Variants in SLC9B1 observed in about 807,000 individuals in gnomAD.
SLC9B1 encodes solute carrier family 9 member B1.
A neutral mutation model predicts 51.7 loss-of-function variants in SLC9B1; 32 were observed. That is an observed-to-expected ratio of 0.62 (90% CI 0.47 to 0.83). SLC9B1 has a LOEUF of 0.83. SLC9B1 is among the 40% of genes least tolerant of loss of function. SLC9B1 has a pLI of 0.00. For missense variants in SLC9B1, 406 were observed against 613.2 expected (o/e 0.66, Z 3.57); for synonymous variants, 145 against 212.7 (o/e 0.68, Z 2.77).
intron 7 of SLC9B1, among the ~76,000 whole-genome samples, chr4:102,920,599 TAAC>T (rs1334513985): frequency 2.0e-5 from 3 of 152,156 alleles, no homozygotes; most frequent in Non-Finnish European, 4.4e-5. Flanking sequence ...AGGTTGGTAA[TAAC>T]AAACTTCTCC....
At chr4:102,983,953 T>C (rs1242183020) in intron 3 of SLC9B1, among the ~76,000 whole-genome samples, 2 of 152,102 alleles carry the variant, frequency 1.3e-5, no homozygotes, top group Non-Finnish European at 2.9e-5. Flanking sequence ...CTTTCTAGCT[T>C]CCTGAGGTGG....
chr4:102,965,178 A>G (rs528455541), intron 3 of SLC9B1, among the ~76,000 whole-genome samples: 158 of 152,268 alleles, frequency 1.0e-3, no homozygotes, highest in African/African-American at 3.7e-3. Context: ...ATCAAAAATA[A>G]ATGTCTTAGT....
At chr4:102,926,409 CA>C (rs1176380145) in intron 7 of SLC9B1, among the ~76,000 whole-genome samples, 1 of 152,288 alleles carries the variant, frequency 6.6e-6, no homozygotes. Context: ...TCTCAGGATA[CA>C]AAATCAATGT....
chr4:102,934,763 C>CAAAA (rs772664880), intron 6 of SLC9B1, among the ~76,000 whole-genome samples: 1 of 115,580 alleles, frequency 8.7e-6, no homozygotes, highest in Non-Finnish European at 1.9e-5. Flanking sequence ...GACTCTGTCA[C>CAAAA]AAAAAAAAAA....
At chr4:102,944,570 T>A (rs62327305) in intron 6 of SLC9B1, among the ~76,000 whole-genome samples, 1,823 of 152,356 alleles carry the variant, frequency 0.012, 9 homozygotes, top group Admixed American at 0.019. Flanking sequence ...GTAGTAACTA[T>A]GTAATGGATG....
At chr4:103,015,192 G>A (rs535925009) in intron 1 of SLC9B1, among the ~76,000 whole-genome samples, 1 of 147,792 alleles carries the variant, frequency 6.8e-6, no homozygotes, top group African/African-American at 2.5e-5. Context: ...AGAAAAACAA[G>A]CCCAAAATTG....
At chr4:102,889,409 C>G (rs1260438636) in intron 11 of SLC9B1, 1 of 152,172 alleles carries the variant, frequency 6.6e-6, no homozygotes, top group Non-Finnish European at 1.5e-5. Flanking sequence ...AAATGCTCTT[C>G]TTTTTGTAAA....
intron 9 of SLC9B1, among the ~76,000 whole-genome samples, chr4:102,907,936 TTTA>T (rs1735133954): frequency 1.3e-5 from 2 of 152,274 alleles, no homozygotes; most frequent in African/African-American, 2.4e-5. Context: ...TTTAATTTTA[TTTA>T]TTGATTTGCA....
intron 7 of SLC9B1, among the ~76,000 whole-genome samples, chr4:102,930,050 C>A (rs947686287): frequency 1.3e-5 from 2 of 151,860 alleles, no homozygotes; most frequent in African/African-American, 4.8e-5. Context: ...TCAAAAAGAA[C>A]AAAAGGTGAA....
intron 3 of SLC9B1, among the ~76,000 whole-genome samples, chr4:102,959,235 T>TATATATACAC (rs1005783670): frequency 3.3e-4 from 50 of 149,456 alleles, no homozygotes; most frequent in African/African-American, 1.2e-3. Context: ...CATATATATA[T>TATATATACAC]ACACACACAC....
chr4:102,962,451 A>T (rs113295653), intron 3 of SLC9B1: 1 of 513,450 alleles, frequency 1.9e-6, no homozygotes, highest in Non-Finnish European at 4.0e-6. Flanking sequence ...TAGAAAATAC[A>T]GAGCATTTTT....
chr4:103,017,225 A>G (rs1243061512), intron 1 of SLC9B1, among the ~76,000 whole-genome samples: 4 of 152,046 alleles, frequency 2.6e-5, no homozygotes, highest in African/African-American at 4.8e-5. Context: ...CTTCTCTGCT[A>G]TTTTATCCCA....
chr4:103,012,626 C>T (rs1372482701), intron 1 of SLC9B1, among the ~76,000 whole-genome samples: 2 of 152,204 alleles, frequency 1.3e-5, no homozygotes. Context: ...GTAACAATTT[C>T]TTAGCCCATT....
At position 102,991,251 on chromosome 4, in the gene SLC9B1, G is replaced by A. The variant is rs184659047; in HGVS notation, c.69+392C>T. On this transcript the variant is annotated intron_variant, in intron 2 of 11. Coordinates refer to ENST00000296422, the MANE Select transcript of SLC9B1 (RefSeq NM_139173.4). ...AAACTAGATCAACAAAAGGTCTAAC[G>A]ACTTGCTCTATATATCTATAAAAAT... is the stretch of plus-strand genomic sequence containing the variant. 9.3e-4 allele frequency among the ~76,000 whole-genome samples: 141 copies of A among 152,010 alleles called. 1 individual carries two copies. Among genetic ancestry groups the A allele is most frequent in the African/African-American group, 3.1e-3 (128 of 41,512 alleles).
chr4:102,964,213 T>C (rs1483326143), intron 3 of SLC9B1, among the ~76,000 whole-genome samples: 1 of 150,122 alleles, frequency 6.7e-6, no homozygotes, highest in African/African-American at 2.5e-5. Context: ...ATAGAACAAT[T>C]CCTAGAAAGA....
At chr4:102,942,929 C>T (rs1219825070) in intron 6 of SLC9B1, among the ~76,000 whole-genome samples, 2 of 151,992 alleles carry the variant, frequency 1.3e-5, no homozygotes, top group African/African-American at 4.8e-5. Context: ...AACTATGCAT[C>T]CAACAAAGTA....
intron 1 of SLC9B1, among the ~76,000 whole-genome samples, chr4:103,015,491 T>C (rs7665026): frequency 0.39 from 58,618 of 151,878 alleles, 11,574 homozygotes; most frequent in African/African-American, 0.48. Flanking sequence ...AACACTCTAG[T>C]CTTTCAGTTC....
chr4:102,983,463 T>C (rs930801401), intron 3 of SLC9B1, among the ~76,000 whole-genome samples: 4 of 152,182 alleles, frequency 2.6e-5, no homozygotes, highest in Non-Finnish European at 5.9e-5. Context: ...GAGAAAATTG[T>C]ATAATTTCAT....
At position 103,002,261 on chromosome 4, in the gene SLC9B1, T is replaced by C. The variant is rs113021173; in HGVS notation, c.-1-10549A>G. On this transcript the variant is annotated intron_variant, in intron 1 of 11. Coordinates refer to ENST00000296422, the MANE Select transcript of SLC9B1 (RefSeq NM_139173.4). ...TATTTCTACTGTCCATACTTTCCTA[T>C]ATTGGAAGAGCTGAATTAACATCTT... Among the ~76,000 whole-genome samples the C allele has an allele frequency of 3.3e-3, 505 of 152,310 alleles. 5 individuals carry two copies. The highest frequency in any genetic ancestry group is 0.017 in the Middle Eastern group (5 of 294).
Sources: allele counts gnomAD v4.1 joint callset (sites outside exome capture counted in the v4.1 genomes callset), GRCh38; gene constraint gnomAD v4.1.1; transcripts MANE v1.5; gene names NCBI Gene and HGNC (gene_info 2026-07-23, HGNC 2026-07-21).